The following ZFP1 variants were observed in gnomAD, a reference collection of about 807,000 sequenced individuals.
ZFP1 encodes zinc finger protein 1 homolog.
A neutral mutation model predicts 38.5 loss-of-function variants in ZFP1; 32 were observed. The observed-to-expected ratio is 0.83, with a 90% CI of 0.63 to 1.12. ZFP1 has a LOEUF of 1.12. Among genes scored for constraint, ZFP1 ranks in the 50% most tolerant of loss-of-function variants. The probability of loss-of-function intolerance (pLI) is 0.00; values close to 1 mark genes in which losing one functional copy is unlikely to be tolerated. For synonymous variants in ZFP1, 245 were observed against 168.8 expected (o/e 1.45, Z -3.50); for missense variants, 616 against 480.8 (o/e 1.28, Z -2.63).
intron 2 of ZFP1, among the ~76,000 whole-genome samples, chr16:75,154,575 T>C (rs1403785855): frequency 1.1e-4 from 1 of 9,126 alleles, no homozygotes; most frequent in African/African-American, 1.7e-4. Flanking sequence ...GAATGAGAGT[T>C]TTTTTTTTTT....
chr16:75,141,529 C>G, the ZFP1 span, among the ~76,000 whole-genome samples: 3 of 151,880 alleles, frequency 2.0e-5, no homozygotes, highest in East Asian at 3.9e-4. Context: ...CTTGTCATAT[C>G]CAACTAAATC....
chr16:75,165,433 C>T (rs1225024937), intron 2 of ZFP1, among the ~76,000 whole-genome samples: 3 of 152,070 alleles, frequency 2.0e-5, no homozygotes, highest in Non-Finnish European at 4.4e-5. Context: ...CTTGCTCTGT[C>T]ACCCAGGCTC....
chr16:75,138,403 C>A, the ZFP1 span, among the ~76,000 whole-genome samples: 1 of 152,104 alleles, frequency 6.6e-6, no homozygotes, highest in Non-Finnish European at 1.5e-5. Context: ...ATAAAAAGGA[C>A]AAACAAAAGG....
At chr16:75,148,448 A>AC (rs1037576647), upstream of ZFP1, 15 of 152,300 alleles carry the variant, frequency 9.8e-5, no homozygotes, top group African/African-American at 3.6e-4. Context: ...TGGATGGTCC[A>AC]CCCCTCCGAG....
chr16:75,119,879 TA>T, the ZFP1 span, among the ~76,000 whole-genome samples: 4 of 151,838 alleles, frequency 2.6e-5, no homozygotes, highest in Middle Eastern at 6.8e-3. Context: ...GATGATGTGA[TA>T]GGGGGTGAAA....
chr16:75,123,453 A>ATGTATATG, the ZFP1 span, among the ~76,000 whole-genome samples: 5 of 107,356 alleles, frequency 4.7e-5, no homozygotes, highest in South Asian at 1.6e-3. Flanking sequence ...GTGTGTGTAT[A>ATGTATATG]TGTATATATA....
Position 75,169,380 on chromosome 16 carries a change from T to G in ZFP1, c.270T>G (p.Leu90=), listed in dbSNP as rs1438117672. 1.2e-6 allele frequency: 2 copies of G among 1,614,052 alleles called. No individual in the cohort carries two copies. Among genetic ancestry groups the G allele is most frequent in the African/African-American group, 2.7e-5 (2 of 74,932 alleles). ...GAGGCGATCTCTTTGGAAAAGCACT[T>G]AATCTGAACACAGACTTTGTTTCTT... The part of the protein sequence containing the change: ...EERGDLFGKA[L]NLNTDFVSLR... The change falls in exon 4 of 4, where the codon CTT becomes CTG. Residue 90 remains leucine, a synonymous_variant. Transcript: ENST00000570010.
chr16:75,166,665 T>G, intron 2 of ZFP1, 105 bp from the exon 3 acceptor site: 1 of 1,578,382 alleles, frequency 6.3e-7, no homozygotes, highest in Non-Finnish European at 8.6e-7. Context: ...GATGTATCGT[T>G]GGTGTAATAT....
rs2097322603 is a variant in ZFP1 at position 75,169,814 on chromosome 16, C to G, written c.704C>G (p.Thr235Ser). 6.2e-7 allele frequency: 1 copy of G among 1,614,140 alleles called. No individual in the cohort carries two copies. The highest frequency in any genetic ancestry group is 8.5e-7 in the Non-Finnish European group (1 of 1,180,014). Reference sequence around the variant, plus strand: ...CTCATCAAACATCAGAGAATTCACACTGGGGAGAAACCTTTCGAGTGTCCG... The same window carrying G: ...CTCATCAAACATCAGAGAATTCACAGTGGGGAGAAACCTTTCGAGTGTCCG... The part of the protein sequence containing the change: ...ANLIKHQRIH[T>S]GEKPFECPEC... Residue 235 changes from threonine (T) to serine (S), a missense_variant, in exon 4 of 4, where the codon ACT (threonine) becomes AGT (serine). By Grantham distance (58) the Thr-to-Ser change is moderately conservative (BLOSUM62 1). Coordinates refer to ENST00000570010, the MANE Select transcript of ZFP1 (RefSeq NM_153688.4).
chr16:75,161,867 C>A (rs11149803), intron 2 of ZFP1, among the ~76,000 whole-genome samples: 1 of 141,048 alleles, frequency 7.1e-6, no homozygotes, highest in Non-Finnish European at 1.5e-5. Flanking sequence ...TCACTGCACC[C>A]TCCACCTCCC....
chr16:75,119,702 C>G, the ZFP1 span: 3 of 152,108 alleles, frequency 2.0e-5, no homozygotes, highest in Admixed American at 6.6e-5. Flanking sequence ...ATTTGTTTTG[C>G]TTAACTGTTT....
chr16:75,119,028 C>T, the ZFP1 span, among the ~76,000 whole-genome samples: 5 of 152,322 alleles, frequency 3.3e-5, no homozygotes, highest in East Asian at 1.9e-4. Context: ...GTTCATCTTA[C>T]GTATGTTGAG....
upstream of ZFP1, among the ~76,000 whole-genome samples, chr16:75,143,906 G>C (rs1365728597): frequency 1.3e-5 from 2 of 151,950 alleles, no homozygotes; most frequent in Non-Finnish European, 2.9e-5. Context: ...TGCCTGCCTT[G>C]GCCTCCCAAA....
intron 2 of ZFP1, among the ~76,000 whole-genome samples, chr16:75,164,545 C>A (rs1248987279): frequency 6.6e-6 from 1 of 152,022 alleles, no homozygotes; most frequent in African/African-American, 2.4e-5. Context: ...TCTTGCTGGG[C>A]TTAATTTTGG....
chr16:75,146,576 A>G (rs1444768857), upstream of ZFP1, among the ~76,000 whole-genome samples: 2 of 152,176 alleles, frequency 1.3e-5, no homozygotes, highest in Non-Finnish European at 2.9e-5. Flanking sequence ...GAAGCAACCA[A>G]TGTATCTTCA....
At position 75,150,865 on chromosome 16, in the gene ZFP1, C is replaced by T. The variant is rs537551826; in HGVS notation, c.-43-2044C>T. ...ATTGAGACAGGGTCTGTCTCTGTTGCCCAAGCTGGAGTGCAGTGGTTCAGT... is the reference window on the plus strand; with the variant it reads ...ATTGAGACAGGGTCTGTCTCTGTTGTCCAAGCTGGAGTGCAGTGGTTCAGT... On this transcript the variant is annotated intron_variant, in intron 1 of 3. Transcript: ENST00000570010. Among the ~76,000 whole-genome samples the T allele has an allele frequency of 5.3e-5, 8 of 152,218 alleles. No homozygotes were observed. The South Asian group carries it at 1.7e-3, about 32-fold the overall frequency.
chr16:75,119,600 G>C, the ZFP1 span: 1 of 152,030 alleles, frequency 6.6e-6, no homozygotes, highest in African/African-American at 2.4e-5. Flanking sequence ...ACTGAATTGG[G>C]GTTTGTTTTG....
chr16:75,121,843 T>C, the ZFP1 span, among the ~76,000 whole-genome samples: 21,853 of 152,232 alleles, frequency 0.14, 2,160 homozygotes, highest in East Asian at 0.54. Flanking sequence ...TAAGCTAGCC[T>C]TAAAATTACT....
At chr16:75,148,729 G>T (rs992385760) in intron 1 of ZFP1, 86 bp downstream of exon 1, 13 of 152,308 alleles carry the variant, frequency 8.5e-5, no homozygotes, top group African/African-American at 2.9e-4. Flanking sequence ...GCGCAGGGTG[G>T]GAGCCCAAAC....
Sources: allele counts gnomAD v4.1 joint callset (sites outside exome capture counted in the v4.1 genomes callset), GRCh38; gene constraint gnomAD v4.1.1; transcripts MANE v1.5; gene names NCBI Gene and HGNC (gene_info 2026-07-23, HGNC 2026-07-21).